NOX4: variants seen among roughly 807,000 people sequenced by gnomAD.
NOX4 encodes kidney oxidase-1.
In NOX4, 69 loss-of-function variants were observed where a neutral mutation model predicts 87.6. The observed-to-expected ratio is 0.79, with a 90% CI of 0.65 to 0.96. The LOEUF (loss-of-function observed/expected upper bound fraction) is 0.96, where lower values mean the gene tolerates loss of function less well. NOX4 is among the 40% of genes least tolerant of loss of function. The pLI is 0.00. For synonymous variants in NOX4, 275 were observed against 238.2 expected (o/e 1.15, Z -1.42); for missense variants, 680 against 681.5 (o/e 1.00, Z 0.02).
chr11:89,468,908 C>A (rs1337352294), intron 2 of NOX4, among the ~76,000 whole-genome samples: 1 of 152,082 alleles, frequency 6.6e-6, no homozygotes, highest in African/African-American at 2.4e-5. Context: ...CCACACCTGT[C>A]TAATTACTTT....
intron 3 of NOX4, among the ~76,000 whole-genome samples, chr11:89,450,487 T>G (rs954327138): frequency 1.3e-5 from 2 of 152,112 alleles, no homozygotes; most frequent in African/African-American, 4.8e-5. Context: ...CAAAAAAGAA[T>G]TTTTGTTGAT....
chr11:89,560,767 T>C, the NOX4 span, among the ~76,000 whole-genome samples: 1 of 151,504 alleles, frequency 6.6e-6, no homozygotes, highest in African/African-American at 2.4e-5. Flanking sequence ...TCTCTGGCCT[T>C]TGGACTCCAG....
At chr11:89,534,702 C>T in the NOX4 span, among the ~76,000 whole-genome samples, 2 of 152,214 alleles carry the variant, frequency 1.3e-5, no homozygotes, top group Admixed American at 1.3e-4. Flanking sequence ...AGATTCTCCT[C>T]TATCAGATGT....
At chr11:89,488,747 T>C (rs1213276884) in intron 2 of NOX4, among the ~76,000 whole-genome samples, 2 of 152,204 alleles carry the variant, frequency 1.3e-5, no homozygotes, top group African/African-American at 4.8e-5. Flanking sequence ...AGTTATGTAA[T>C]AGATGAGATA....
chr11:89,426,196 C>T (rs1943393804), intron 7 of NOX4, among the ~76,000 whole-genome samples: 1 of 152,072 alleles, frequency 6.6e-6, no homozygotes, highest in Non-Finnish European at 1.5e-5. Flanking sequence ...TAATTTACAG[C>T]AAGACAAACT....
chr11:89,446,907 C>T (rs1484709085), intron 4 of NOX4, among the ~76,000 whole-genome samples: 1 of 152,040 alleles, frequency 6.6e-6, no homozygotes, highest in African/African-American at 2.4e-5. Context: ...GTAAATTTAT[C>T]AATTGTAAAA....
the NOX4 span, among the ~76,000 whole-genome samples, chr11:89,563,974 T>C: frequency 6.6e-6 from 1 of 152,174 alleles, no homozygotes; most frequent in South Asian, 2.1e-4. Flanking sequence ...TTTCTTCTAA[T>C]GACATTCTGA....
the NOX4 span, among the ~76,000 whole-genome samples, chr11:89,529,741 G>A: frequency 8.5e-5 from 13 of 152,322 alleles, 1 homozygote; most frequent in South Asian, 2.7e-3. Flanking sequence ...TCTCCAGACA[G>A]TTTAATGCTT....
chr11:89,525,505 G>A, the NOX4 span, among the ~76,000 whole-genome samples: 4 of 151,812 alleles, frequency 2.6e-5, no homozygotes, highest in African/African-American at 9.7e-5. Flanking sequence ...GTGCTCATTG[G>A]CCATTGGTTT....
At chr11:89,469,771 A>G (rs557284889) in intron 2 of NOX4, among the ~76,000 whole-genome samples, 1 of 152,282 alleles carries the variant, frequency 6.6e-6, no homozygotes, top group Non-Finnish European at 1.5e-5. Context: ...AGTTGCTTAT[A>G]CTGTTACCCA....
chr11:89,485,892 T>A (rs1342598489), intron 2 of NOX4, among the ~76,000 whole-genome samples: 1 of 151,916 alleles, frequency 6.6e-6, no homozygotes, highest in Non-Finnish European at 1.5e-5. Context: ...CAATTAAACA[T>A]CTCCTAGGAA....
intron 13 of NOX4, among the ~76,000 whole-genome samples, chr11:89,349,777 CT>C: frequency 6.6e-6 from 1 of 152,244 alleles, no homozygotes; most frequent in East Asian, 1.9e-4. Flanking sequence ...GTGGTTAAAA[CT>C]TCCAGAGCCA....
intron 12 of NOX4, among the ~76,000 whole-genome samples, chr11:89,357,379 T>C (rs1475693621): frequency 6.6e-6 from 1 of 152,162 alleles, no homozygotes; most frequent in Non-Finnish European, 1.5e-5. Flanking sequence ...TTAAATATTA[T>C]ATTATTGGCT....
chr11:89,532,666 T>C, the NOX4 span, among the ~76,000 whole-genome samples: 1 of 152,110 alleles, frequency 6.6e-6, no homozygotes, highest in Non-Finnish European at 1.5e-5. Flanking sequence ...TGTTTTAAAA[T>C]TTCAGAAGGA....
chr11:89,346,052 G>T (rs1197146660), intron 13 of NOX4, among the ~76,000 whole-genome samples: 1 of 152,118 alleles, frequency 6.6e-6, no homozygotes, highest in Non-Finnish European at 1.5e-5. Flanking sequence ...AACCCACTCT[G>T]CCAAGAGAAC....
At position 89,337,524 on chromosome 11, in the gene NOX4, A is replaced by T; in HGVS notation, c.1447-9T>A. 6.2e-7 allele frequency: 1 copy of T among 1,611,112 alleles called. No individual in the cohort carries two copies. The highest frequency in any genetic ancestry group is 8.5e-7 in the Non-Finnish European group (1 of 1,178,146). ...CTGTTCTCTTGCCAAAACTGAGAGG[A>T]CAGAAAAAGGAATAGACTTATTACA... On this transcript the variant is annotated splice_polypyrimidine_tract_variant and intron_variant, in intron 15 of 17. Coordinates refer to ENST00000263317, the MANE Select transcript of NOX4 (RefSeq NM_016931.5).
At chr11:89,519,329 T>C in the NOX4 span, among the ~76,000 whole-genome samples, 1 of 152,190 alleles carries the variant, frequency 6.6e-6, no homozygotes, top group East Asian at 1.9e-4. Flanking sequence ...CCTATGAATA[T>C]GAAATTGTGC....
chr11:89,427,207 C>G (rs1257207354), intron 7 of NOX4, among the ~76,000 whole-genome samples: 2 of 152,054 alleles, frequency 1.3e-5, no homozygotes, highest in Non-Finnish European at 2.9e-5. Context: ...ACATCCACAC[C>G]AAAACCTCAT....
chr11:89,388,413 C>T (rs1267651780), intron 11 of NOX4, among the ~76,000 whole-genome samples: 1 of 152,120 alleles, frequency 6.6e-6, no homozygotes, highest in Non-Finnish European at 1.5e-5. Context: ...AATCCAATGA[C>T]TGGTCAGTTG....
Sources: gnomAD v4.1 joint callset for allele counts (sites outside exome capture counted in the v4.1 genomes callset) on GRCh38, gnomAD v4.1.1 for gene constraint, MANE v1.5 for transcripts, NCBI Gene and HGNC (gene_info 2026-07-23, HGNC 2026-07-21) for gene names.